The following MYO16 variants were observed in gnomAD, a reference collection of about 807,000 sequenced individuals.
MYO16 encodes unconventional myosin-XVI.
Under a neutral mutation model 205.3 loss-of-function variants are expected in MYO16, and 94 were observed. That is an observed-to-expected ratio of 0.46 (90% CI 0.39 to 0.54). The LOEUF (loss-of-function observed/expected upper bound fraction) is 0.54, where lower values mean the gene tolerates loss of function less well. Among genes scored for constraint, MYO16 ranks in the 20% least tolerant of loss-of-function variants. The pLI is 0.00. For missense variants in MYO16, 2,315 were observed against 2,387.5 expected (o/e 0.97, Z 0.63); for synonymous variants, 988 against 954.0 (o/e 1.04, Z -0.66).
At chr13:108,505,520 C>T in the MYO16 span, among the ~76,000 whole-genome samples, 3 of 152,042 alleles carry the variant, frequency 2.0e-5, no homozygotes, top group Non-Finnish European at 4.4e-5. Context: ...TTAATCAGGT[C>T]ATTTTATTTT....
intron 29 of MYO16, among the ~76,000 whole-genome samples, chr13:109,120,677 G>T (rs992473729): frequency 2.0e-5 from 3 of 152,176 alleles, no homozygotes; most frequent in Admixed American, 2.0e-4. Flanking sequence ...ATCAACATTT[G>T]CAGACATTGT....
chr13:108,967,065 C>A (rs1328542271), intron 20 of MYO16, among the ~76,000 whole-genome samples: 1 of 151,814 alleles, frequency 6.6e-6, no homozygotes, highest in Non-Finnish European at 1.5e-5. Flanking sequence ...TATATACACA[C>A]AGTAAATATA....
chr13:109,146,267 G>A (rs192616705), intron 32 of MYO16, among the ~76,000 whole-genome samples: 165 of 152,312 alleles, frequency 1.1e-3, no homozygotes, highest in Non-Finnish European at 1.8e-3. Context: ...TATGAGTTTG[G>A]AGTGAGAGTA....
chr13:108,792,790 G>A (rs964522771), intron 5 of MYO16, among the ~76,000 whole-genome samples: 3 of 152,012 alleles, frequency 2.0e-5, no homozygotes, highest in Non-Finnish European at 2.9e-5. Flanking sequence ...GGGATTACAG[G>A]TGTGACCCAC....
intron 31 of MYO16, among the ~76,000 whole-genome samples, chr13:109,138,430 A>C (rs941248539): frequency 1.3e-4 from 20 of 152,180 alleles, no homozygotes; most frequent in African/African-American, 4.8e-4. Context: ...ATAAAACATT[A>C]TTATAATTTA....
At chr13:108,919,513 C>CTCCATTCCTTGTCTCAGCACT (rs11270056) in intron 16 of MYO16, among the ~76,000 whole-genome samples, 58,106 of 151,880 alleles carry the variant, frequency 0.38, 11,431 homozygotes, top group South Asian at 0.57. Flanking sequence ...TTGACATCTT[C>CTCCATTCCTTGTCTCAGCACT]TCCTTTAGGG....
intron 34 of MYO16, among the ~76,000 whole-genome samples, chr13:109,193,541 C>T (rs969600161): frequency 1.1e-4 from 17 of 151,908 alleles, no homozygotes; most frequent in Admixed American, 9.8e-4. Context: ...CTGTTACACA[C>T]GATTAAATAA....
At chr13:108,716,895 A>G (rs1795513977) in intron 3 of MYO16, among the ~76,000 whole-genome samples, 1 of 152,204 alleles carries the variant, frequency 6.6e-6, no homozygotes, top group African/African-American at 2.4e-5. Context: ...AATTTCAACA[A>G]ATACATCTGA....
intron 27 of MYO16, among the ~76,000 whole-genome samples, chr13:109,083,809 G>A (rs1888354261): frequency 6.6e-6 from 1 of 152,138 alleles, no homozygotes. Flanking sequence ...GTTTTCAAGG[G>A]CACCAGCATC....
chr13:108,981,046 C>T (rs1884431509), intron 20 of MYO16, among the ~76,000 whole-genome samples: 1 of 152,118 alleles, frequency 6.6e-6, no homozygotes, highest in Non-Finnish European at 1.5e-5. Context: ...TGTTGATGAC[C>T]ATCAAAATAG....
At position 108,950,542 on chromosome 13, in the gene MYO16, T is replaced by A. The variant is rs557755444; in HGVS notation, c.1926-7146T>A. On this transcript the variant is annotated intron_variant, in intron 16 of 34. Coordinates refer to ENST00000457511, the MANE Select transcript of MYO16 (RefSeq NM_001198950.3). ...CTCATGAAAAAACATTGTGACAGCA[T>A]CAAATGCTGGTGAGGATGTGAAGAA... Among the ~76,000 whole-genome samples the A allele has an allele frequency of 6.5e-4, 99 of 152,272 alleles. 1 individual carries two copies. In the South Asian group the frequency reaches 7.1e-3, roughly 11 times the overall value.
chr13:108,716,717 G>A (rs990998303), intron 3 of MYO16, among the ~76,000 whole-genome samples: 6 of 152,154 alleles, frequency 3.9e-5, no homozygotes, highest in Non-Finnish European at 8.8e-5. Context: ...AATTATAGAC[G>A]ATCAGCGACT....
intron 16 of MYO16, among the ~76,000 whole-genome samples, chr13:108,921,238 G>A (rs751140174): frequency 1.3e-5 from 2 of 152,064 alleles, no homozygotes; most frequent in Non-Finnish European, 2.9e-5. Context: ...CTTGTCCACC[G>A]GGCCTTCCTC....
At chr13:108,736,306 C>T (rs168996) in intron 4 of MYO16, among the ~76,000 whole-genome samples, 7 of 151,858 alleles carry the variant, frequency 4.6e-5, no homozygotes, top group South Asian at 4.1e-4. Flanking sequence ...TAATCCATCT[C>T]GAATTAATTT....
At position 108,670,469 on chromosome 13, in the gene MYO16, G is replaced by A. The variant is rs536967025; in HGVS notation, c.292+4320G>A. Reference sequence around the variant, plus strand: ...ATGAACCTGTGGTTATTCTCCTCCTGGTTTTGATACTAATCAATGAAAGAA... The same window carrying A: ...ATGAACCTGTGGTTATTCTCCTCCTAGTTTTGATACTAATCAATGAAAGAA... On this transcript the variant is annotated intron_variant, in intron 2 of 34. Transcript: ENST00000457511. Among the ~76,000 whole-genome samples, 216 of 152,168 alleles carry A rather than the reference G, an allele frequency of 1.4e-3. 2 individuals are homozygous for A. The highest frequency in any genetic ancestry group is 5.0e-3 in the African/African-American group (209 of 41,512).
intron 16 of MYO16, among the ~76,000 whole-genome samples, chr13:108,943,877 C>T (rs889279295): frequency 1.1e-4 from 16 of 152,234 alleles, no homozygotes; most frequent in Non-Finnish European, 1.5e-4. Context: ...GAGCCACCGC[C>T]ACCGGCTTTG....
chr13:108,578,594 C>A, the MYO16 span, among the ~76,000 whole-genome samples: 2 of 152,166 alleles, frequency 1.3e-5, no homozygotes, highest in Non-Finnish European at 2.9e-5. Context: ...TGCCAGTGTC[C>A]TTGCCAGGGG....
chr13:109,052,263 TA>T (rs1887268300), intron 24 of MYO16, 36 bp from the exon 25 acceptor site: 1 of 1,550,954 alleles, frequency 6.4e-7, no homozygotes, highest in Non-Finnish European at 8.9e-7. Context: ...GTAATAATTT[TA>T]GTGCCACTTA....
At chr13:108,910,273 T>A (rs2195734) in intron 16 of MYO16, 123 bp downstream of exon 16, 464,585 of 1,078,246 alleles carry the variant, frequency 0.43, 102,049 homozygotes, top group South Asian at 0.57. Context: ...AACTGTTGGA[T>A]ACTGTTAGGT....
Sources: allele counts gnomAD v4.1 joint callset (sites outside exome capture counted in the v4.1 genomes callset), GRCh38; gene constraint gnomAD v4.1.1; transcripts MANE v1.5; gene names NCBI Gene and HGNC (gene_info 2026-07-23, HGNC 2026-07-21).